The following STK39 variants were observed in gnomAD, a reference collection of about 807,000 sequenced individuals.
STK39 encodes the protein STE20/SPS1-related proline-alanine-rich protein kinase.
STK39 carries 20 observed loss-of-function variants against 77.8 expected under a neutral mutation model. That is an observed-to-expected ratio of 0.26 (90% CI 0.18 to 0.37). The LOEUF (loss-of-function observed/expected upper bound fraction) is 0.37, where lower values mean the gene tolerates loss of function less well. Among genes scored for constraint, STK39 ranks in the 10% least tolerant of loss-of-function variants. STK39 has a pLI of 1.00. For synonymous variants in STK39, 246 were observed against 234.1 expected (o/e 1.05, Z -0.47); for missense variants, 479 against 656.5 (o/e 0.73, Z 2.95).
rs114525085 is a variant in STK39 at position 168,050,732 on chromosome 2, G to C, written c.1376+12768C>G. On this transcript the variant is annotated intron_variant, in intron 14 of 17. Coordinates refer to ENST00000355999, the MANE Select transcript of STK39 (RefSeq NM_013233.3). ...AGACACCTTGATTTTAGCCCGCTGA[G>C]ACTCTTCTGACCTACAGACTGGAAT... Among the ~76,000 whole-genome samples, 642 of 152,290 alleles carry C rather than the reference G, an allele frequency of 4.2e-3. 3 individuals are homozygous for C. Among genetic ancestry groups the C allele is most frequent in the African/African-American group, 0.015 (610 of 41,550 alleles).
intron 16 of STK39, among the ~76,000 whole-genome samples, chr2:167,988,917 G>C (rs2094440578): frequency 1.3e-5 from 2 of 152,184 alleles, no homozygotes; most frequent in Non-Finnish European, 2.9e-5. Context: ...GATAGATCGA[G>C]AGCAATCAGT....
chr2:168,212,834 T>C (rs1489865762), intron 1 of STK39, among the ~76,000 whole-genome samples: 4 of 152,212 alleles, frequency 2.6e-5, no homozygotes, highest in Admixed American at 6.5e-5. Context: ...TTGTAAATGT[T>C]CCCAGTGTTA....
chr2:168,146,652 C>G (rs2105546724), intron 5 of STK39, among the ~76,000 whole-genome samples: 1 of 152,290 alleles, frequency 6.6e-6, no homozygotes, highest in African/African-American at 2.4e-5. Flanking sequence ...AGAGTCTGAG[C>G]ACCAGGTAAG....
chr2:168,135,838 G>A (rs1687818279), intron 8 of STK39, among the ~76,000 whole-genome samples: 1 of 152,166 alleles, frequency 6.6e-6, no homozygotes, highest in Admixed American at 6.5e-5. Flanking sequence ...TTGCACAATA[G>A]TGAGAACAAA....
At chr2:167,986,621 T>C (rs1055220518) in intron 16 of STK39, among the ~76,000 whole-genome samples, 1 of 152,088 alleles carries the variant, frequency 6.6e-6, no homozygotes, top group Non-Finnish European at 1.5e-5. Flanking sequence ...TTAAGATAAG[T>C]AACAGGTAAA....
intron 1 of STK39, among the ~76,000 whole-genome samples, chr2:168,213,799 T>G (rs541634544): frequency 6.6e-4 from 101 of 152,320 alleles, no homozygotes; most frequent in African/African-American, 2.2e-3. Context: ...TTATTTTCCT[T>G]GCTTGCTCAT....
At chr2:168,098,789 A>T (rs1686741281) in intron 10 of STK39, among the ~76,000 whole-genome samples, 1 of 152,206 alleles carries the variant, frequency 6.6e-6, no homozygotes, top group African/African-American at 2.4e-5. Flanking sequence ...CCCATCTCAC[A>T]CACTCTTCCA....
intron 12 of STK39, among the ~76,000 whole-genome samples, chr2:168,065,859 C>T (rs1342449841): frequency 6.6e-6 from 1 of 152,050 alleles, no homozygotes; most frequent in Non-Finnish European, 1.5e-5. Flanking sequence ...TTAAAAAATA[C>T]ATAAGGATAG....
chr2:168,180,245 G>T (rs1447519421), intron 2 of STK39, among the ~76,000 whole-genome samples: 2 of 152,150 alleles, frequency 1.3e-5, no homozygotes, highest in African/African-American at 4.8e-5. Flanking sequence ...TACTCGGGAG[G>T]CTAAAGCAGG....
At chr2:168,050,745 T>A (rs1392024236) in intron 14 of STK39, among the ~76,000 whole-genome samples, 1 of 152,214 alleles carries the variant, frequency 6.6e-6, no homozygotes, top group Non-Finnish European at 1.5e-5. Flanking sequence ...TCTTCTGACC[T>A]ACAGACTGGA....
intron 8 of STK39, 67 bp downstream of exon 8, chr2:168,138,021 C>T: frequency 6.5e-7 from 1 of 1,549,904 alleles, no homozygotes; most frequent in Non-Finnish European, 8.7e-7. Context: ...AGCCTTTCCC[C>T]ATCTACAAAC....
At chr2:168,211,024 G>A (rs777930322) in intron 1 of STK39, among the ~76,000 whole-genome samples, 25 of 152,124 alleles carry the variant, frequency 1.6e-4, no homozygotes, top group Non-Finnish European at 2.9e-4. Flanking sequence ...GTTAAAAAGA[G>A]AAAGTATAAC....
intron 5 of STK39, among the ~76,000 whole-genome samples, chr2:168,141,321 T>C (rs866400902): frequency 2.6e-5 from 4 of 152,222 alleles, no homozygotes; most frequent in Non-Finnish European, 4.4e-5. Flanking sequence ...TTGCATTATA[T>C]ACTAAACTAG....
chr2:168,197,238 G>A (rs1167264768), intron 1 of STK39, among the ~76,000 whole-genome samples: 2 of 152,254 alleles, frequency 1.3e-5, no homozygotes, highest in Non-Finnish European at 2.9e-5. Context: ...CACAGGACTT[G>A]CTGATAGATT....
intron 16 of STK39, among the ~76,000 whole-genome samples, chr2:168,002,557 G>A (rs1297835038): frequency 6.6e-6 from 1 of 152,180 alleles, no homozygotes; most frequent in Non-Finnish European, 1.5e-5. Flanking sequence ...CACAGCTTAA[G>A]CTTCTGATTT....
At chr2:168,197,195 G>C (rs954483826) in intron 1 of STK39, among the ~76,000 whole-genome samples, 6 of 152,158 alleles carry the variant, frequency 3.9e-5, no homozygotes, top group Non-Finnish European at 8.8e-5. Context: ...AAAGTAAAGT[G>C]GCTGGATTTG....
chr2:168,060,376 G>A (rs1344992498), intron 14 of STK39, among the ~76,000 whole-genome samples: 3 of 152,094 alleles, frequency 2.0e-5, no homozygotes, highest in African/African-American at 4.8e-5. Flanking sequence ...ATGAGGGTGG[G>A]ACCCAAGAGA....
At chr2:168,036,684 A>G (rs1303156541) in intron 14 of STK39, among the ~76,000 whole-genome samples, 3 of 152,226 alleles carry the variant, frequency 2.0e-5, no homozygotes, top group African/African-American at 7.2e-5. Flanking sequence ...TCAGAAGTCA[A>G]GGGCTTCACT....
At chr2:168,010,345 A>T (rs1226370665) in intron 16 of STK39, among the ~76,000 whole-genome samples, 1 of 151,792 alleles carries the variant, frequency 6.6e-6, no homozygotes, top group Non-Finnish European at 1.5e-5. Flanking sequence ...ATGTTTTCTA[A>T]TGAAGGAGAG....
Sources: allele counts gnomAD v4.1 joint callset (sites outside exome capture counted in the v4.1 genomes callset), GRCh38; gene constraint gnomAD v4.1.1; transcripts MANE v1.5; gene names NCBI Gene and HGNC (gene_info 2026-07-23, HGNC 2026-07-21).